Variants in LPCAT2 observed in about 807,000 individuals in gnomAD.
LPCAT2 encodes the protein 1-AGP acyltransferase 11.
A neutral mutation model predicts 64.7 loss-of-function variants in LPCAT2; 58 were observed. The ratio of observed to expected loss-of-function variants is 0.90; its 90% confidence interval spans 0.73 to 1.12. The LOEUF is 1.12. Ranked by LOEUF, LPCAT2 falls within the 50% of genes most tolerant of loss-of-function variation. The pLI, the probability that LPCAT2 is intolerant of heterozygous loss-of-function variation, is 0.00. For synonymous variants in LPCAT2, 252 were observed against 245.3 expected (o/e 1.03, Z -0.26); for missense variants, 579 against 669.8 (o/e 0.86, Z 1.50).
intron 1 of LPCAT2, among the ~76,000 whole-genome samples, chr16:55,513,910 C>A (rs1232742373): frequency 2.0e-5 from 3 of 152,136 alleles, no homozygotes. Context: ...TTGTCAAAAA[C>A]AATCAGAGGA....
chr16:55,561,301 A>T (rs1304753982), intron 11 of LPCAT2, among the ~76,000 whole-genome samples: 3 of 149,460 alleles, frequency 2.0e-5, no homozygotes, highest in Non-Finnish European at 4.4e-5. Flanking sequence ...GTACTTTTTA[A>T]GTCTAATAAC....
At chr16:55,568,476 GA>G (rs1567405487) in intron 11 of LPCAT2, among the ~76,000 whole-genome samples, 1 of 152,178 alleles carries the variant, frequency 6.6e-6, no homozygotes, top group African/African-American at 2.4e-5. Context: ...AACCAATATA[GA>G]GAACACATAT....
intron 13 of LPCAT2, among the ~76,000 whole-genome samples, chr16:55,580,279 G>A (rs141438328): frequency 6.6e-6 from 1 of 152,152 alleles, no homozygotes; most frequent in East Asian, 1.9e-4. Context: ...GGATAAAATG[G>A]GAAGTGTAAA....
At chr16:55,562,506 T>A (rs1963647511) in intron 11 of LPCAT2, among the ~76,000 whole-genome samples, 1 of 151,926 alleles carries the variant, frequency 6.6e-6, no homozygotes, top group African/African-American at 2.4e-5. Context: ...ATTTGTATCT[T>A]TCAGAGGAAT....
At chr16:55,548,227 A>G (rs2142397500) in intron 9 of LPCAT2, among the ~76,000 whole-genome samples, 1 of 149,818 alleles carries the variant, frequency 6.7e-6, no homozygotes, top group East Asian at 2.0e-4. Context: ...CATGTACTGC[A>G]CCTTTTTTTT....
chr16:55,551,119 T>C lies in LPCAT2; in HGVS notation c.1215+17T>C, dbSNP rs1165347645. 3 of 1,598,836 alleles carry C rather than the reference T, an allele frequency of 1.9e-6. No homozygotes were observed. Among genetic ancestry groups the C allele is most frequent in the Admixed American group, 1.7e-5 (1 of 58,684 alleles). ...TTTGACAGGGTATGTTAAAATTTAA[T>C]CTTTCACATTTTTACTCTGTCAGTC... On this transcript the variant is annotated intron_variant, in intron 11 of 13. Coordinates refer to ENST00000262134, the MANE Select transcript of LPCAT2 (RefSeq NM_017839.5).
At chr16:55,552,735 G>C (rs1963531116) in intron 11 of LPCAT2, among the ~76,000 whole-genome samples, 1 of 152,130 alleles carries the variant, frequency 6.6e-6, no homozygotes, top group Non-Finnish European at 1.5e-5. Context: ...CCTTAATTTA[G>C]AAACCCTTCA....
At chr16:55,561,192 C>T (rs950056634) in intron 11 of LPCAT2, among the ~76,000 whole-genome samples, 3 of 151,840 alleles carry the variant, frequency 2.0e-5, no homozygotes, top group Admixed American at 1.3e-4. Flanking sequence ...GTGGATATAT[C>T]GTATTTTGCT....
chr16:55,534,447 C>G lies in LPCAT2; in HGVS notation c.767C>G (p.Thr256Ser). ...AAAATAATTTTGTTATTATAGGATA[C>G]TGTGACCTGGACATGGCAAGGATAT... ...VLLRYPNKLDTVTWTWQGYTF... is the reference protein window; with the variant it reads ...VLLRYPNKLDSVTWTWQGYTF... Residue 256 changes from threonine (T) to serine (S), a missense_variant, in exon 7 of 14, where the codon ACT (threonine) becomes AGT (serine). Coordinates refer to ENST00000262134, the MANE Select transcript of LPCAT2 (RefSeq NM_017839.5). The G allele has an allele frequency of 2.6e-6, 4 of 1,530,980 alleles. No homozygotes were observed. The highest frequency in any genetic ancestry group is 2.7e-6 in the Non-Finnish European group (3 of 1,118,820). 94.8% of individuals were successfully genotyped at this position (1,530,980 alleles called of 1,614,324 possible). A position where few individuals can be genotyped will look rare whatever the true frequency, so the allele number is the denominator to read the frequency against.
At chr16:55,512,243 A>C (rs1483579730) in intron 1 of LPCAT2, among the ~76,000 whole-genome samples, 3 of 152,212 alleles carry the variant, frequency 2.0e-5, no homozygotes, top group African/African-American at 7.2e-5. Context: ...AATAATAATA[A>C]TTTAACAGGA....
chr16:55,561,370 CT>C (rs3996858), intron 11 of LPCAT2, among the ~76,000 whole-genome samples: 12 of 139,838 alleles, frequency 8.6e-5, no homozygotes, highest in African/African-American at 2.1e-4. Context: ...CCCTCCTATA[CT>C]TTTTTTTTTT....
chr16:55,555,210 A>G (rs1157768450), intron 11 of LPCAT2, among the ~76,000 whole-genome samples: 3 of 152,250 alleles, frequency 2.0e-5, no homozygotes, highest in Admixed American at 6.5e-5. Context: ...TGTGAAGTGC[A>G]GTAAAGCAAA....
intron 11 of LPCAT2, chr16:55,567,574 G>C (rs1963720390): frequency 6.8e-7 from 1 of 1,466,036 alleles, no homozygotes; most frequent in East Asian, 2.3e-5. Context: ...GTACACAGTT[G>C]CTGATACCCT....
chr16:55,509,991 CTTTTT>C (rs57496150), intron 1 of LPCAT2, among the ~76,000 whole-genome samples: 3 of 102,518 alleles, frequency 2.9e-5, no homozygotes. Flanking sequence ...TTGAAGAAGT[CTTTTT>C]TTTTTTTTTT....
chr16:55,532,645 TAA>T (rs35836363), intron 5 of LPCAT2, 177 bp from the exon 6 acceptor site: 35 of 281,446 alleles, frequency 1.2e-4, no homozygotes, highest in East Asian at 6.3e-4. Context: ...AGTTCTTAAT[TAA>T]AAAAAAAAAA....
intron 13 of LPCAT2, among the ~76,000 whole-genome samples, chr16:55,580,195 CTGTTTT>C (rs2142426399): frequency 6.6e-6 from 1 of 152,250 alleles, no homozygotes; most frequent in South Asian, 2.1e-4. Context: ...CTCTTACTCT[CTGTTTT>C]TAATTACTGT....
At chr16:55,520,609 G>A (rs1363794808) in intron 1 of LPCAT2, among the ~76,000 whole-genome samples, 1 of 151,374 alleles carries the variant, frequency 6.6e-6, no homozygotes, top group Non-Finnish European at 1.5e-5. Flanking sequence ...CCAAATGCTG[G>A]GTCATAAAAA....
intron 1 of LPCAT2, among the ~76,000 whole-genome samples, chr16:55,518,669 A>G (rs901804232): frequency 1.3e-5 from 2 of 152,230 alleles, no homozygotes; most frequent in African/African-American, 4.8e-5. Context: ...CCAAGACAAT[A>G]AAATGGGGAG....
chr16:55,541,223 G>C (rs758594139), intron 8 of LPCAT2: 2 of 152,048 alleles, frequency 1.3e-5, no homozygotes, highest in Admixed American at 1.3e-4. Context: ...TGAGCTTATA[G>C]TGGCTAGCAT....
Sources: allele counts gnomAD v4.1 joint callset (sites outside exome capture counted in the v4.1 genomes callset), GRCh38; gene constraint gnomAD v4.1.1; transcripts MANE v1.5; gene names NCBI Gene and HGNC (gene_info 2026-07-23, HGNC 2026-07-21).